PDE4B: variants seen among roughly 807,000 people sequenced by gnomAD.
PDE4B encodes the protein phosphodiesterase 4B.
Under a neutral mutation model 82.2 loss-of-function variants are expected in PDE4B, and 20 were observed. The observed-to-expected ratio is 0.24, with a 90% CI of 0.17 to 0.35. PDE4B has a LOEUF of 0.35. PDE4B is among the 10% of genes least tolerant of loss of function. PDE4B has a pLI of 1.00. For missense variants in PDE4B, 655 were observed against 907.2 expected (o/e 0.72, Z 3.57); for synonymous variants, 320 against 318.9 (o/e 1.00, Z -0.04).
intron 4 of PDE4B, among the ~76,000 whole-genome samples, chr1:66,250,964 G>A (rs1291107367): frequency 1.3e-5 from 2 of 152,110 alleles, no homozygotes; most frequent in Non-Finnish European, 2.9e-5. Context: ...CATTTTCAAG[G>A]GAAATGAGAC....
At chr1:66,230,538 AG>A in intron 3 of PDE4B, among the ~76,000 whole-genome samples, 1 of 152,346 alleles carries the variant, frequency 6.6e-6, no homozygotes, top group Admixed American at 6.5e-5. Context: ...AGGGATTCCA[AG>A]GCAAATTTGA....
chr1:65,815,033 A>G, intron 1 of PDE4B, among the ~76,000 whole-genome samples: 1 of 10,558 alleles, frequency 9.5e-5, no homozygotes, highest in African/African-American at 1.5e-4. Flanking sequence ...TTATTTATTT[A>G]TTTATTTATT....
intron 6 of PDE4B, among the ~76,000 whole-genome samples, chr1:66,265,727 T>A (rs1009823096): frequency 2.0e-5 from 3 of 152,148 alleles, no homozygotes; most frequent in Non-Finnish European, 4.4e-5. Flanking sequence ...GTGACTCTTT[T>A]TCTCAGGGCT....
chr1:66,242,403 C>T (rs558075242), intron 3 of PDE4B, among the ~76,000 whole-genome samples: 12 of 152,316 alleles, frequency 7.9e-5, no homozygotes, highest in Non-Finnish European at 1.2e-4. Flanking sequence ...AACCATTCTG[C>T]GGACCTGTGG....
chr1:66,051,668 C>A (rs905211003), intron 3 of PDE4B, among the ~76,000 whole-genome samples: 1 of 151,916 alleles, frequency 6.6e-6, no homozygotes, highest in African/African-American at 2.4e-5. Flanking sequence ...TACTTTTGAC[C>A]TTCAAAAACA....
intron 3 of PDE4B, among the ~76,000 whole-genome samples, chr1:66,219,993 A>C (rs1470112267): frequency 3.3e-5 from 5 of 152,180 alleles, no homozygotes; most frequent in Non-Finnish European, 5.9e-5. Flanking sequence ...TTAGTATGAC[A>C]ATGTATAAAA....
At chr1:66,209,486 A>C (rs1393869079) in intron 3 of PDE4B, among the ~76,000 whole-genome samples, 1 of 152,214 alleles carries the variant, frequency 6.6e-6, no homozygotes, top group Non-Finnish European at 1.5e-5. Flanking sequence ...TATGTTTACC[A>C]GAAATTTATG....
At chr1:66,075,789 A>G (rs1433314597) in intron 3 of PDE4B, among the ~76,000 whole-genome samples, 2 of 152,010 alleles carry the variant, frequency 1.3e-5, no homozygotes, top group Non-Finnish European at 2.9e-5. Flanking sequence ...CACCAAGCAG[A>G]AATGTTCTTT....
rs1231841316 is a variant in PDE4B at position 66,288,105 on chromosome 1, T to A, written c.634+22018T>A. Among the ~76,000 whole-genome samples the A allele has an allele frequency of 2.0e-5, 3 of 151,978 alleles. No homozygotes were observed. The East Asian group carries it at 5.8e-4, about 29-fold the overall frequency. On this transcript the variant is annotated intron_variant, in intron 7 of 16. Coordinates refer to ENST00000341517, the MANE Select transcript of PDE4B (RefSeq NM_002600.4). The stretch of plus-strand genomic sequence containing the variant: ...TCTGTATGATGGCCTACAGGAAGCA[T>A]AATAATGTCATCTGCTTGGCTTCTG...
At chr1:66,279,507 C>T (rs1489993385) in intron 7 of PDE4B, among the ~76,000 whole-genome samples, 1 of 152,120 alleles carries the variant, frequency 6.6e-6, no homozygotes, top group African/African-American at 2.4e-5. Context: ...CTCCTGTAAT[C>T]CCAGCTGCTC....
intron 3 of PDE4B, among the ~76,000 whole-genome samples, chr1:66,029,546 TAAAAA>T (rs1653641949): frequency 6.6e-6 from 1 of 152,310 alleles, no homozygotes; most frequent in African/African-American, 2.4e-5. Flanking sequence ...ATGTTTCAGA[TAAAAA>T]TGAAAGATGA....
At chr1:66,060,437 G>A (rs1350682869) in intron 3 of PDE4B, among the ~76,000 whole-genome samples, 1 of 152,130 alleles carries the variant, frequency 6.6e-6, no homozygotes, top group Non-Finnish European at 1.5e-5. Flanking sequence ...TTTCCAATGT[G>A]GTAGTCATTA....
At chr1:66,279,533 G>A (rs2101775178) in intron 7 of PDE4B, among the ~76,000 whole-genome samples, 1 of 152,230 alleles carries the variant, frequency 6.6e-6, no homozygotes, top group Non-Finnish European at 1.5e-5. Context: ...GCTGAGGCAA[G>A]AGAATCGCTT....
intron 3 of PDE4B, among the ~76,000 whole-genome samples, chr1:65,970,539 G>A (rs1398187798): frequency 6.6e-6 from 1 of 152,052 alleles, no homozygotes; most frequent in Non-Finnish European, 1.5e-5. Flanking sequence ...AAAATATAAA[G>A]ATTAAGACAT....
intron 3 of PDE4B, among the ~76,000 whole-genome samples, chr1:65,969,179 C>G (rs1650002962): frequency 6.6e-6 from 1 of 152,142 alleles, no homozygotes; most frequent in Non-Finnish European, 1.5e-5. Context: ...ACACATTCAT[C>G]TTGGGTATGG....
intron 3 of PDE4B, among the ~76,000 whole-genome samples, chr1:66,002,863 A>G (rs1651939421): frequency 6.6e-6 from 1 of 152,146 alleles, no homozygotes. Context: ...AGATATTTGC[A>G]AATGTTAATT....
intron 6 of PDE4B, among the ~76,000 whole-genome samples, chr1:66,258,154 A>AT (rs1654393079): frequency 6.6e-6 from 1 of 152,206 alleles, no homozygotes; most frequent in African/African-American, 2.4e-5. Context: ...TGACTTTTAC[A>AT]TTTACTACTT....
intron 1 of PDE4B, among the ~76,000 whole-genome samples, chr1:65,873,996 A>G (rs1346925274): frequency 6.6e-6 from 1 of 150,636 alleles, no homozygotes; most frequent in Non-Finnish European, 1.5e-5. Context: ...GAATCTGTAA[A>G]TTACCTTGGG....
At chr1:66,232,600 ATTGGAAAAAAAGTTAGAGT>A (rs980718836) in intron 3 of PDE4B, among the ~76,000 whole-genome samples, 2 of 152,178 alleles carry the variant, frequency 1.3e-5, no homozygotes, top group African/African-American at 4.8e-5. Flanking sequence ...AACATTTAGA[ATTGGAAAAAAAGTTAGAGT>A]TTGGAAAAAG....
Sources: allele counts gnomAD v4.1 joint callset (sites outside exome capture counted in the v4.1 genomes callset), GRCh38; gene constraint gnomAD v4.1.1; transcripts MANE v1.5; gene names NCBI Gene and HGNC (gene_info 2026-07-23, HGNC 2026-07-21).